Variants in IGF2R observed in about 807,000 individuals in gnomAD.
IGF2R encodes the protein cation-independent mannose-6-phosphate receptor.
A neutral mutation model predicts 270.6 loss-of-function variants in IGF2R; 91 were observed. That is an observed-to-expected ratio of 0.34 (90% CI 0.28 to 0.40). The LOEUF (loss-of-function observed/expected upper bound fraction) is 0.40. Ranked by LOEUF, IGF2R falls within the 10% of genes least tolerant of loss-of-function variation. The probability of loss-of-function intolerance (pLI) is 1.00; values close to 1 mark genes in which losing one functional copy is unlikely to be tolerated. For synonymous variants in IGF2R, 1,316 were observed against 1,258.9 expected (o/e 1.05, Z -0.96); for missense variants, 2,805 against 3,188.3 (o/e 0.88, Z 2.90).
intron 1 of IGF2R, among the ~76,000 whole-genome samples, chr6:159,978,315 C>T (rs1391809344): frequency 6.6e-6 from 1 of 151,778 alleles, no homozygotes; most frequent in Non-Finnish European, 1.5e-5. Flanking sequence ...CAGATTCCCC[C>T]AAACAATGAG....
At chr6:160,097,041 T>G (rs1250555278) in intron 45 of IGF2R, among the ~76,000 whole-genome samples, 3 of 152,238 alleles carry the variant, frequency 2.0e-5, no homozygotes, top group African/African-American at 7.2e-5. Flanking sequence ...TACAAATGAT[T>G]GTTTGGTAAA....
rs759861254 is a variant in IGF2R, at chr6:160,061,643, C to G, written c.3403C>G (p.Gln1135Glu). 2.7e-5 allele frequency: 43 copies of G among 1,613,950 alleles called. No individual in the cohort carries two copies. The highest frequency in any genetic ancestry group is 3.6e-5 in the Non-Finnish European group (43 of 1,180,004). ...TCCTCTCCCTTACATTCCTGGATGC[C>G]AGGGTGAGTTCTCCTTGGTCTCTTG... ...CNPLPYIPGCQGSAVGSCLVS... is the reference protein window; with the variant it reads ...CNPLPYIPGCEGSAVGSCLVS... The change falls in exon 24 of 48, where the codon CAG (glutamine) becomes GAG (glutamate). Residue 1135 changes from glutamine to glutamate, a missense_variant. Gln to Glu is a conservative substitution (Grantham distance 29). This residue lies in a region of IGF2R where 1,851 missense variants were observed against 2,207.2 expected (regional missense o/e 0.84). Coordinates refer to ENST00000356956, the MANE Select transcript of IGF2R (RefSeq NM_000876.4).
At chr6:160,019,348 AG>A (rs1249888946) in intron 4 of IGF2R, among the ~76,000 whole-genome samples, 2 of 152,214 alleles carry the variant, frequency 1.3e-5, no homozygotes, top group African/African-American at 4.8e-5. Context: ...CAACAAAAAA[AG>A]CTCAGGACCA....
chr6:160,069,453 C>A (rs571014042), intron 30 of IGF2R, among the ~76,000 whole-genome samples: 1 of 152,186 alleles, frequency 6.6e-6, no homozygotes, highest in South Asian at 2.1e-4. Flanking sequence ...TCACCCAGGG[C>A]ACATGGCACA....
At chr6:160,036,984 A>G (rs1383116956) in intron 10 of IGF2R, among the ~76,000 whole-genome samples, 1 of 152,044 alleles carries the variant, frequency 6.6e-6, no homozygotes, top group African/African-American at 2.4e-5. Context: ...CATTATAAAA[A>G]TTTTCAAACA....
chr6:160,071,320 G>T (rs113115043), intron 31 of IGF2R, among the ~76,000 whole-genome samples: 11 of 147,700 alleles, frequency 7.4e-5, no homozygotes, highest in African/African-American at 2.2e-4. Context: ...CAGGGCCTGG[G>T]AGGCTGGACT....
chr6:160,105,018 G>T lies in IGF2R; in HGVS notation c.7410G>T (p.Lys2470Asn). 6.2e-7 allele frequency: 1 copy of T among 1,613,322 alleles called. No homozygotes were observed. The highest frequency in any genetic ancestry group is 1.1e-5 in the South Asian group (1 of 91,004). The change falls in exon 48 of 48, where the codon AAG becomes AAT. Residue 2470 changes from lysine (K) to asparagine (N), a missense_variant. By Grantham distance (94) the Lys-to-Asn change is moderately conservative (BLOSUM62 0). Coordinates refer to ENST00000356956, the MANE Select transcript of IGF2R (RefSeq NM_000876.4). ...GGAAGTCCAGCTCTGCACAGCAGAA[G>T]ACAGTGAGCTCCACCAAGCTGGTGT... ...RKGKSSSAQQKTVSSTKLVSF... is the reference protein window; with the variant it reads ...RKGKSSSAQQNTVSSTKLVSF...
At chr6:159,973,418 G>C (rs961164303) in intron 1 of IGF2R, among the ~76,000 whole-genome samples, 5 of 152,162 alleles carry the variant, frequency 3.3e-5, no homozygotes, top group African/African-American at 1.2e-4. Flanking sequence ...AATTTGTACA[G>C]GACAAGTTTT....
chr6:160,029,408 C>A, intron 6 of IGF2R, 142 bp from the exon 7 acceptor site: 1 of 539,220 alleles, frequency 1.9e-6, no homozygotes, highest in Non-Finnish European at 3.3e-6. Flanking sequence ...CATTTTATAC[C>A]ATATCTACTT....
chr6:160,073,532 T>C (rs1471141288), intron 34 of IGF2R, 63 bp downstream of exon 34: 1 of 1,575,286 alleles, frequency 6.3e-7, no homozygotes. Context: ...CCGGGCCCCT[T>C]CGTCAGGTTC....
chr6:160,005,781 C>G (rs1478642207), intron 2 of IGF2R: 1 of 148,910 alleles, frequency 6.7e-6, no homozygotes, highest in African/African-American at 2.5e-5. Context: ...TTCCGCGCCT[C>G]CTTGGCCCCT....
intron 29 of IGF2R, among the ~76,000 whole-genome samples, chr6:160,067,845 G>A (rs1251001557): frequency 1.3e-5 from 2 of 152,160 alleles, no homozygotes; most frequent in Admixed American, 6.5e-5. Flanking sequence ...GGTGGCGTGC[G>A]GCTGCCCCGG....
In IGF2R at chr6:160,014,971, A is replaced by AG. The variant is rs577139836; in HGVS notation, c.513+4186_513+4187insG. 4.6e-5 allele frequency among the ~76,000 whole-genome samples: 7 copies of AG among 152,342 alleles called. No homozygotes were observed. In the South Asian group the frequency reaches 1.2e-3, roughly 27 times the overall value. On this transcript the variant is annotated intron_variant, in intron 4 of 47. Transcript: ENST00000356956. ...CTGAGAAGTATTTTAGGCGACAGGCAACTTTGCTTTGAGGATATGGTCAAA... is the reference window on the plus strand; with the variant it reads ...CTGAGAAGTATTTTAGGCGACAGGCAGACTTTGCTTTGAGGATATGGTCAAA...
chr6:160,037,672 T>G (rs1777857984), intron 10 of IGF2R, among the ~76,000 whole-genome samples: 1 of 152,234 alleles, frequency 6.6e-6, no homozygotes, highest in Admixed American at 6.5e-5. Flanking sequence ...AGATGTTAGA[T>G]AATTTTTTGG....
chr6:160,041,025 C>T (rs1252197036), intron 11 of IGF2R, among the ~76,000 whole-genome samples: 1 of 152,172 alleles, frequency 6.6e-6, no homozygotes, highest in East Asian at 1.9e-4. Flanking sequence ...TTTGGATCCT[C>T]TAGGCAGATG....
chr6:160,034,778 C>T (rs1483591512), intron 10 of IGF2R, among the ~76,000 whole-genome samples: 1 of 152,176 alleles, frequency 6.6e-6, no homozygotes, highest in Non-Finnish European at 1.5e-5. Flanking sequence ...GGAATGGGCC[C>T]AGCAATGAGC....
intron 41 of IGF2R, among the ~76,000 whole-genome samples, chr6:160,085,478 G>T (rs1033291776): frequency 1.3e-5 from 2 of 152,234 alleles, no homozygotes; most frequent in Non-Finnish European, 2.9e-5. Flanking sequence ...ACACGTGTTT[G>T]TTTAGGAAAG....
At chr6:160,059,947 G>A (rs546040596) in intron 22 of IGF2R, among the ~76,000 whole-genome samples, 3 of 152,250 alleles carry the variant, frequency 2.0e-5, no homozygotes, top group Non-Finnish European at 4.4e-5. Flanking sequence ...GTCTTCTAAT[G>A]CTTGGATTGG....
At chr6:159,989,707 A>G (rs1783947773) in intron 1 of IGF2R, among the ~76,000 whole-genome samples, 4 of 152,182 alleles carry the variant, frequency 2.6e-5, no homozygotes, top group Non-Finnish European at 5.9e-5. Flanking sequence ...GCTGGGATAC[A>G]GGCACGAGCC....
Sources: gnomAD v4.1 joint callset for allele counts (sites outside exome capture counted in the v4.1 genomes callset) on GRCh38, gnomAD v4.1.1 for gene constraint, gnomAD v4.1.1 regional missense constraint, MANE v1.5 for transcripts, NCBI Gene and HGNC (gene_info 2026-07-23, HGNC 2026-07-21) for gene names.